The following NCMAP variants were observed in gnomAD, a reference collection of about 807,000 sequenced individuals.
NCMAP encodes noncompact myelin-associated protein.
A neutral mutation model predicts 7.8 loss-of-function variants in NCMAP; 8 were observed. The observed-to-expected ratio is 1.02, with a 90% CI of 0.60 to 1.84. NCMAP has a LOEUF of 1.84. Ranked by LOEUF, NCMAP falls within the 40% of genes most tolerant of loss-of-function variation. The pLI is 0.00. For synonymous variants in NCMAP, 41 were observed against 52.9 expected, an observed-to-expected ratio of 0.78 and a Z score of 0.98; for missense variants, 112 against 131.4, an observed-to-expected ratio of 0.85 and a Z score of 0.72.
At chr1:24,601,820 A>C (rs9725381) in intron 3 of NCMAP, among the ~76,000 whole-genome samples, 8,217 of 152,078 alleles carry the variant, frequency 0.054, 762 homozygotes, top group African/African-American at 0.19. Flanking sequence ...ATGGGCAGAT[A>C]ACGAGGTCAG....
intron 2 of NCMAP, among the ~76,000 whole-genome samples, chr1:24,598,247 T>C (rs1247555704): frequency 1.3e-5 from 2 of 152,156 alleles, no homozygotes; most frequent in Non-Finnish European, 2.9e-5. Flanking sequence ...TATAAGGCAT[T>C]ACTTACATTC....
rs775625305 is a variant in NCMAP at position 24,600,978 on chromosome 1, A to G, written c.121A>G (p.Ile41Val). 6.2e-7 allele frequency: 1 copy of G among 1,614,146 alleles called. No homozygotes were observed. The highest frequency in any genetic ancestry group is 8.5e-7 in the Non-Finnish European group (1 of 1,180,020). Residue 41 changes from isoleucine (I) to valine (V), a missense_variant, in exon 3 of 4, where the codon ATC becomes GTC. By Grantham distance (29) the Ile-to-Val change is conservative (BLOSUM62 3). Transcript: ENST00000374392. Reference sequence around the variant, plus strand: ...TGTTGCTGCCGTTGTGGTGGTTGTCATCATCATCTTCACCGTGGTTCTGAT... The same window carrying G: ...TGTTGCTGCCGTTGTGGTGGTTGTCGTCATCATCTTCACCGTGGTTCTGAT... ...AIVAAVVVVV[I>V]IIFTVVLILL...
chr1:24,587,369 G>T (rs1242945275), intron 1 of NCMAP, among the ~76,000 whole-genome samples: 2 of 152,206 alleles, frequency 1.3e-5, no homozygotes, highest in Non-Finnish European at 2.9e-5. Context: ...TCGCAGGATG[G>T]TTACCAACCT....
At position 24,564,470 on chromosome 1, in the gene NCMAP, C is replaced by T. The variant is rs191378323; in HGVS notation, c.-8+8301C>T. On this transcript the variant is annotated intron_variant, in intron 1 of 3. Coordinates refer to ENST00000374392, the MANE Select transcript of NCMAP (RefSeq NM_001010980.5). ...TGGAGGTTGCAGTGACCTGAAATCA[C>T]GCCACTGCACTCCAGCCTGGGCAAC... 4.3e-3 allele frequency among the ~76,000 whole-genome samples: 558 copies of T among 129,708 alleles called. 1 individual carries two copies. Among genetic ancestry groups the T allele is most frequent in the African/African-American group, 0.016 (521 of 33,062 alleles). 85.1% of individuals were successfully genotyped at this position (129,708 alleles called of 152,430 possible). A position where few individuals can be genotyped will look rare whatever the true frequency, so the allele number is the denominator to read the frequency against.
chr1:24,597,615 AAGAG>A (rs60751058), intron 2 of NCMAP, among the ~76,000 whole-genome samples: 1 of 69,026 alleles, frequency 1.4e-5, no homozygotes, highest in Non-Finnish European at 2.8e-5. Flanking sequence ...GAAAGAAAGA[AAGAG>A]AAAGAAAGAA....
rs1243579099 is a variant in NCMAP, at chr1:24,606,895, C to G, written c.*1148C>G. On this transcript the variant is annotated 3_prime_UTR_variant, in exon 4 of 4. Coordinates refer to ENST00000374392, the MANE Select transcript of NCMAP (RefSeq NM_001010980.5). ...CACCTGCCTCATTGGGGCACTATAA[C>G]AAGTGAAGGACTTAGGAAAACATCT... is the stretch of plus-strand genomic sequence containing the variant. 1 of 152,162 alleles carries G rather than the reference C, an allele frequency of 6.6e-6. No homozygotes were observed. The highest frequency in any genetic ancestry group is 1.5e-5 in the Non-Finnish European group (1 of 68,040). The allele number at this position is 152,162 out of a possible 1,614,324, so 9.4% of individuals were successfully genotyped here.
chr1:24,584,656 G>C (rs1651827906), intron 1 of NCMAP, among the ~76,000 whole-genome samples: 1 of 152,040 alleles, frequency 6.6e-6, no homozygotes, highest in Non-Finnish European at 1.5e-5. Flanking sequence ...TCTGTGGTCA[G>C]TGCTGGGCTA....
intron 1 of NCMAP, among the ~76,000 whole-genome samples, chr1:24,579,028 A>C (rs1398377128): frequency 9.2e-5 from 14 of 152,112 alleles, no homozygotes; most frequent in African/African-American, 2.4e-5. Context: ...GGTTACCCGC[A>C]GACTGTGCCC....
At chr1:24,584,047 C>T (rs1376027105) in intron 1 of NCMAP, among the ~76,000 whole-genome samples, 1 of 152,146 alleles carries the variant, frequency 6.6e-6, no homozygotes. Context: ...TGTGGGCTTC[C>T]TTCCCTCCTG....
chr1:24,601,162 A>T (rs1340634878), intron 3 of NCMAP, 138 bp downstream of exon 3: 7 of 667,906 alleles, frequency 1.0e-5, no homozygotes, highest in Non-Finnish European at 1.3e-5. Context: ...ACCCTTGGGG[A>T]TCCTTTTTGC....
At chr1:24,583,810 C>T (rs997789442) in intron 1 of NCMAP, among the ~76,000 whole-genome samples, 1 of 151,904 alleles carries the variant, frequency 6.6e-6, no homozygotes, top group African/African-American at 2.4e-5. Context: ...ATACTGCTTA[C>T]CTCCCGGGGA....
intron 1 of NCMAP, among the ~76,000 whole-genome samples, chr1:24,571,558 T>C (rs1399444629): frequency 2.7e-5 from 4 of 150,646 alleles, no homozygotes; most frequent in Non-Finnish European, 4.4e-5. Flanking sequence ...CATTTCCACA[T>C]GTAGTCAATA....
chr1:24,557,437 G>C (rs956291533), intron 1 of NCMAP, among the ~76,000 whole-genome samples: 4 of 151,770 alleles, frequency 2.6e-5, no homozygotes, highest in Non-Finnish European at 5.9e-5. Context: ...GTGCATGTGG[G>C]TGTGTGCACG....
intron 2 of NCMAP, among the ~76,000 whole-genome samples, chr1:24,599,661 T>C (rs937564005): frequency 3.3e-5 from 5 of 152,108 alleles, no homozygotes. Flanking sequence ...CACTGAAACC[T>C]CTGCCTCCCG....
At chr1:24,594,320 C>T (rs1015559910) in intron 1 of NCMAP, among the ~76,000 whole-genome samples, 1 of 152,078 alleles carries the variant, frequency 6.6e-6, no homozygotes, top group African/African-American at 2.4e-5. Context: ...ACATTGTAGC[C>T]TTGTGCATTT....
At chr1:24,597,767 A>T (rs567333165) in intron 2 of NCMAP, among the ~76,000 whole-genome samples, 1 of 152,202 alleles carries the variant, frequency 6.6e-6, no homozygotes, top group Non-Finnish European at 1.5e-5. Context: ...CAGATTTAGC[A>T]AATAAAAATA....
chr1:24,600,907 C>T lies in NCMAP; in HGVS notation c.83-33C>T, dbSNP rs117081131. ...CCTCCTGGTCTGCGTTCAGTTTGCA[C>T]ATTCACGGTCTCTGCTTCTCTCCTT... On this transcript the variant is annotated intron_variant, in intron 2 of 3. Coordinates refer to ENST00000374392, the MANE Select transcript of NCMAP (RefSeq NM_001010980.5). 3.6e-4 allele frequency: 579 copies of T among 1,603,506 alleles called. 3 individuals are homozygous for T. In the East Asian group the frequency reaches 0.012, roughly 33 times the overall value.
intron 2 of NCMAP, 53 bp from the exon 3 acceptor site, chr1:24,600,887 T>G (rs1570540947): frequency 1.9e-5 from 29 of 1,547,658 alleles, no homozygotes; most frequent in Non-Finnish European, 2.6e-5. Flanking sequence ...GGCGCCCTCC[T>G]GGTCTGCGTT....
chr1:24,585,716 C>T (rs1231513366), intron 1 of NCMAP, among the ~76,000 whole-genome samples: 1 of 152,192 alleles, frequency 6.6e-6, no homozygotes, highest in Admixed American at 6.5e-5. Context: ...TCTTCCCCTG[C>T]CCAGCCACAG....
Sources: allele counts gnomAD v4.1 joint callset (sites outside exome capture counted in the v4.1 genomes callset), GRCh38; gene constraint gnomAD v4.1.1; transcripts MANE v1.5; gene names NCBI Gene and HGNC (gene_info 2026-07-23, HGNC 2026-07-21).